SPTLC2: variants seen among roughly 807,000 people sequenced by gnomAD.
SPTLC2 encodes serine palmitoyltransferase 2.
In SPTLC2, 21 loss-of-function variants were observed where a neutral mutation model predicts 62.0. The ratio of observed to expected loss-of-function variants is 0.34; its 90% confidence interval spans 0.24 to 0.49. The LOEUF (loss-of-function observed/expected upper bound fraction) is 0.49. SPTLC2 is among the 20% of genes least tolerant of loss of function. The pLI, the probability that SPTLC2 is intolerant of heterozygous loss-of-function variation, is 0.99. For missense variants in SPTLC2, 511 were observed against 713.0 expected (o/e 0.72, Z 3.23); for synonymous variants, 261 against 261.8 (o/e 1.00, Z 0.03).
At chr14:77,596,337 C>T (rs1159950732) in intron 2 of SPTLC2, among the ~76,000 whole-genome samples, 5 of 125,930 alleles carry the variant, frequency 4.0e-5, no homozygotes, top group African/African-American at 9.1e-5. Flanking sequence ...AGACTTGTCT[C>T]AAAAAAAAAA....
intron 2 of SPTLC2, among the ~76,000 whole-genome samples, chr14:77,583,949 T>C (rs1330990020): frequency 1.3e-5 from 2 of 152,130 alleles, no homozygotes; most frequent in African/African-American, 4.8e-5. Context: ...CTAGCACATG[T>C]AAGGAGAGGG....
chr14:77,604,548 C>T (rs1242339748), intron 1 of SPTLC2, among the ~76,000 whole-genome samples: 1 of 151,996 alleles, frequency 6.6e-6, no homozygotes, highest in Non-Finnish European at 1.5e-5. Flanking sequence ...AGCCTGTAAA[C>T]TTTAAGGGCT....
rs559565188 is a variant in SPTLC2, at chr14:77,562,738, A to G, written c.757-249T>C. ...CTTCAGTCCCATGACTGATGTAAAT[A>G]CTCAGATATATGGCAACAGGTCTTT... On this transcript the variant is annotated intron_variant, in intron 5 of 11. Coordinates refer to ENST00000216484, the MANE Select transcript of SPTLC2 (RefSeq NM_004863.4). Among the ~76,000 whole-genome samples the G allele has an allele frequency of 6.6e-4, 101 of 152,362 alleles. 1 individual carries two copies. Among genetic ancestry groups the G allele is most frequent in the African/African-American group, 2.3e-3 (97 of 41,584 alleles).
At chr14:77,601,450 G>A (rs2079876906) in intron 1 of SPTLC2, among the ~76,000 whole-genome samples, 1 of 152,152 alleles carries the variant, frequency 6.6e-6, no homozygotes. Flanking sequence ...AAGAACTAAT[G>A]ATAATTCCCG....
In SPTLC2 at chr14:77,549,366, G is replaced by A. The variant is rs962701911; in HGVS notation, c.1303+2730C>T. Among the ~76,000 whole-genome samples the A allele has an allele frequency of 5.9e-5, 9 of 152,072 alleles. 1 individual carries two copies. The highest frequency in any genetic ancestry group is 3.9e-4 in the Admixed American group (6 of 15,262). ...GGTCAGAAAAGGTCATGGGGTTTCC[G>A]CCAGGTTCTTTGGAATGCTTGCTCT... On this transcript the variant is annotated intron_variant, in intron 9 of 11. Transcript: ENST00000216484.
At position 77,568,823 on chromosome 14, in the gene SPTLC2, A is replaced by AG. The variant is rs1270442563; in HGVS notation, c.756+1560_756+1561insC. Among the ~76,000 whole-genome samples the AG allele has an allele frequency of 8.4e-5, 12 of 142,914 alleles. 1 individual carries two copies. The East Asian group carries it at 9.8e-4, about 12-fold the overall frequency. The allele number at this position is 142,914 out of a possible 152,430, so 93.8% of individuals were successfully genotyped here. A position where few individuals can be genotyped will look rare whatever the true frequency, so the allele number is the denominator to read the frequency against. The stretch of plus-strand genomic sequence containing the variant: ...ACTCTGTCTCAAAAAAAAAAAAAAA[A>AG]AAGAGAGAGGGGTTAATGTCTCTAA... On this transcript the variant is annotated intron_variant, in intron 5 of 11. Transcript: ENST00000216484.
intron 3 of SPTLC2, among the ~76,000 whole-genome samples, chr14:77,578,196 A>G (rs1315228903): frequency 6.6e-6 from 1 of 152,154 alleles, no homozygotes; most frequent in Non-Finnish European, 1.5e-5. Flanking sequence ...AAAATACAAA[A>G]AGTTTTCCAA....
chr14:77,598,821 C>G (rs1011434226), intron 1 of SPTLC2, among the ~76,000 whole-genome samples: 3 of 151,730 alleles, frequency 2.0e-5, no homozygotes, highest in Non-Finnish European at 2.9e-5. Flanking sequence ...CCTGTAGTCC[C>G]AGGTCCTCAG....
chr14:77,581,993 C>T (rs545864144), intron 2 of SPTLC2, among the ~76,000 whole-genome samples: 152 of 151,862 alleles, frequency 1.0e-3, no homozygotes, highest in Admixed American at 2.1e-3. Flanking sequence ...GGTAACAGTA[C>T]TAACGCTTCT....
intron 10 of SPTLC2, among the ~76,000 whole-genome samples, chr14:77,518,891 C>T (rs77532195): frequency 0.053 from 8,103 of 152,268 alleles, 228 homozygotes; most frequent in Middle Eastern, 0.071. Flanking sequence ...CCAGTTCACC[C>T]GCTGGCTTCA....
At chr14:77,524,619 G>A (rs1263476866) in intron 9 of SPTLC2, among the ~76,000 whole-genome samples, 7 of 152,110 alleles carry the variant, frequency 4.6e-5, no homozygotes, top group South Asian at 2.1e-4. Context: ...AAGTATCAGC[G>A]GATGAATGGA....
chr14:77,574,386 C>T (rs2079701880), intron 4 of SPTLC2, among the ~76,000 whole-genome samples: 1 of 152,174 alleles, frequency 6.6e-6, no homozygotes, highest in African/African-American at 2.4e-5. Context: ...AACCCTCATA[C>T]ATCGATGGAG....
chr14:77,538,427 G>A (rs143900226), intron 9 of SPTLC2, among the ~76,000 whole-genome samples: 13 of 152,306 alleles, frequency 8.5e-5, no homozygotes, highest in Middle Eastern at 3.4e-3. Flanking sequence ...TGCTTGCATG[G>A]AGGACATTTT....
chr14:77,589,055 G>A (rs8018813), intron 2 of SPTLC2, among the ~76,000 whole-genome samples: 24,709 of 143,282 alleles, frequency 0.17, 2,659 homozygotes, highest in East Asian at 0.55. Flanking sequence ...AAGAAAAAGG[G>A]AAAAGGAAAG....
At chr14:77,574,838 T>A (rs1038618852) in intron 4 of SPTLC2, among the ~76,000 whole-genome samples, 38 of 152,080 alleles carry the variant, frequency 2.5e-4, no homozygotes, top group Non-Finnish European at 4.7e-4. Context: ...CAAGGACTTG[T>A]AGGGGGAAGG....
intron 9 of SPTLC2, among the ~76,000 whole-genome samples, chr14:77,534,369 G>A (rs921366274): frequency 9.9e-5 from 15 of 151,956 alleles, no homozygotes. Flanking sequence ...AATTCATATT[G>A]ATAAATTCAC....
intron 11 of SPTLC2, 57 bp downstream of exon 11, chr14:77,517,981 T>C (rs1219842527): frequency 1.9e-5 from 31 of 1,611,274 alleles, no homozygotes; most frequent in Non-Finnish European, 8.5e-7. Flanking sequence ...TTTCATCTAA[T>C]ATACAGGCCC....
At chr14:77,584,796 GACACACAC>G (rs149917156) in intron 2 of SPTLC2, among the ~76,000 whole-genome samples, 1 of 151,648 alleles carries the variant, frequency 6.6e-6, no homozygotes, top group Non-Finnish European at 1.5e-5. Flanking sequence ...AAGACACACA[GACACACAC>G]ACACACACTT....
At chr14:77,542,010 T>C (rs1020071677) in intron 9 of SPTLC2, among the ~76,000 whole-genome samples, 1 of 151,214 alleles carries the variant, frequency 6.6e-6, no homozygotes, top group African/African-American at 2.4e-5. Context: ...TGAGCCAAGA[T>C]TGTGCCACTG....
Sources: gnomAD v4.1 joint callset for allele counts (sites outside exome capture counted in the v4.1 genomes callset) on GRCh38, gnomAD v4.1.1 for gene constraint, MANE v1.5 for transcripts, NCBI Gene and HGNC (gene_info 2026-07-23, HGNC 2026-07-21) for gene names.